TRPV5: variants seen among roughly 807,000 people sequenced by gnomAD.
The protein encoded by TRPV5 is transient receptor potential cation channel subfamily V member 5.
Under a neutral mutation model 74.1 loss-of-function variants are expected in TRPV5, and 66 were observed. The observed-to-expected ratio is 0.89, with a 90% CI of 0.73 to 1.09. The LOEUF (loss-of-function observed/expected upper bound fraction) is 1.09. TRPV5 is among the 50% of genes least tolerant of loss of function. The pLI is 0.00. For synonymous variants in TRPV5, 399 were observed against 360.7 expected, an observed-to-expected ratio of 1.11 and a Z score of -1.20; for missense variants, 936 against 930.4, an observed-to-expected ratio of 1.01 and a Z score of -0.08.
chr7:142,929,908 A>G (rs562370896), intron 3 of TRPV5, 150 bp downstream of exon 3: 3 of 1,270,196 alleles, frequency 2.4e-6, no homozygotes, highest in South Asian at 2.6e-5. Flanking sequence ...CAAGACCAGG[A>G]CCTTTGCATT....
rs1262596664 is a variant in TRPV5, at chr7:142,912,563, G to C, written c.1707C>G (p.Leu569=). 2 of 1,614,148 alleles carry C rather than the reference G, an allele frequency of 1.2e-6. No homozygotes were observed. The highest frequency in any genetic ancestry group is 1.7e-5 in the Admixed American group (1 of 60,032). The change falls in exon 13 of 15, where the codon CTC becomes CTG. Residue 569 remains leucine, a synonymous_variant. Transcript: ENST00000265310. ...TCATGGCGATGAACAAGTTGAGCAT[G>C]AGCAGTGTGGCAATGATGGTGAAGG... is the stretch of plus-strand genomic sequence containing the variant. The part of the protein sequence containing the change: ...NFAFTIIATL[L]MLNLFIAMMG...
At chr7:142,919,403 C>T (rs150073806) in intron 8 of TRPV5, among the ~76,000 whole-genome samples, 105 of 152,180 alleles carry the variant, frequency 6.9e-4, no homozygotes, top group Non-Finnish European at 1.1e-3. Context: ...GCCTAAGAGA[C>T]GCAGAAGGGT....
intron 8 of TRPV5, among the ~76,000 whole-genome samples, chr7:142,921,183 TG>T (rs1795880768): frequency 6.6e-6 from 1 of 152,226 alleles, no homozygotes; most frequent in Non-Finnish European, 1.5e-5. Flanking sequence ...TTTTAAAAGA[TG>T]GAAACACAGT....
intron 1 of TRPV5, among the ~76,000 whole-genome samples, chr7:142,932,120 C>T (rs1171492553): frequency 6.6e-6 from 1 of 152,156 alleles, no homozygotes. Context: ...CCCGTCTCAC[C>T]CAGGGAATCA....
rs781757721 is a variant in TRPV5 at position 142,908,631 on chromosome 7, G to A, written c.2073C>T (p.Thr691=). 2.7e-5 allele frequency: 43 copies of A among 1,614,138 alleles called. No individual in the cohort carries two copies. The South Asian group carries it at 2.7e-4, about 10-fold the overall frequency. The change falls in exon 15 of 15, where the codon ACC becomes ACT. Residue 691 remains threonine, a synonymous_variant. Transcript: ENST00000265310. ...CTCGGTGACTGCTGCTCTGGGACGC[G>A]GTCCGGGACAGGGAGGAAGTTGGAA... is the stretch of plus-strand genomic sequence containing the variant. ...LALPTSSLSR[T]ASQSSSHRGW...
In TRPV5 at chr7:142,908,186, T is replaced by C. The variant is rs1356007795; in HGVS notation, c.*328A>G. 6 of 369,376 alleles carry C rather than the reference T, an allele frequency of 1.6e-5. No individual in the cohort carries two copies. The highest frequency in any genetic ancestry group is 3.0e-5 in the Non-Finnish European group (6 of 203,220). The allele number at this position is 369,376 out of a possible 1,614,324, so 22.9% of individuals were successfully genotyped here. ...GAGCCAGAAAAGCCTCACAGCTTACTACTTTCTAGGGGCTGCGTGGGGCAG... is the reference window on the plus strand; with the variant it reads ...GAGCCAGAAAAGCCTCACAGCTTACCACTTTCTAGGGGCTGCGTGGGGCAG... On this transcript the variant is annotated 3_prime_UTR_variant, in exon 15 of 15. Coordinates refer to ENST00000265310, the MANE Select transcript of TRPV5 (RefSeq NM_019841.7).
Position 142,933,348 on chromosome 7 carries a change from T to C in TRPV5, c.112A>G (p.Met38Val), listed in dbSNP as rs1796128033. The part of the protein sequence containing the change: ...DWDQHLDKLH[M>V]LQQKRILESP... The stretch of plus-strand genomic sequence containing the variant: ...GAAGCCTACCTCTTCTGCTGCAGCA[T>C]ATGAAGCTTGTCCAGGTGCTGGTCC... The change falls in exon 1 of 15, where the codon ATG (methionine) becomes GTG (valine). Residue 38 changes from methionine (M) to valine (V), a missense_variant. Physicochemically the swap from Met to Val is conservative, Grantham distance 21 (BLOSUM62 1). Transcript: ENST00000265310. The C allele has an allele frequency of 6.2e-7, 1 of 1,613,774 alleles. No homozygotes were observed. Among genetic ancestry groups the C allele is most frequent in the South Asian group, 1.1e-5 (1 of 91,072 alleles).
Position 142,908,322 on chromosome 7 carries a change from A to T in TRPV5, c.*192T>A, listed in dbSNP as rs1203752183. Reference sequence around the variant, plus strand: ...CAAGAGCCCAGAAAATACGTGAGACAATCGATGACCATTGCCCATTGCCAG... The same window carrying T: ...CAAGAGCCCAGAAAATACGTGAGACTATCGATGACCATTGCCCATTGCCAG... On this transcript the variant is annotated 3_prime_UTR_variant, in exon 15 of 15. Transcript: ENST00000265310. 7.7e-6 allele frequency: 5 copies of T among 646,546 alleles called. No homozygotes were observed. The highest frequency in any genetic ancestry group is 1.3e-5 in the Non-Finnish European group (5 of 379,266). The allele number at this position is 646,546 out of a possible 1,614,324, so 40.1% of individuals were successfully genotyped here.
At chr7:142,928,355 A>G in intron 6 of TRPV5, 121 bp from the exon 7 acceptor site, 1 of 1,074,450 alleles carries the variant, frequency 9.3e-7, no homozygotes, top group Non-Finnish European at 1.4e-6. Context: ...GGAACCAGCA[A>G]ACCTCTGCAT....
chr7:142,915,376 T>C lies in TRPV5; in HGVS notation c.1217A>G (p.Asp406Gly). The C allele has an allele frequency of 6.2e-7, 1 of 1,607,176 alleles. No individual in the cohort carries two copies. Among genetic ancestry groups the C allele is most frequent in the Non-Finnish European group, 8.5e-7 (1 of 1,178,382 alleles). The change falls in exon 10 of 15, where the codon GAC (aspartate) becomes GGC (glycine). Residue 406 changes from aspartate (D) to glycine (G), a missense_variant. By Grantham distance (94) the Asp-to-Gly change is moderately conservative. Coordinates refer to ENST00000265310, the MANE Select transcript of TRPV5 (RefSeq NM_019841.7). ...AVIILLLEIPDIFRVGASRYF... is the reference protein window; with the variant it reads ...AVIILLLEIPGIFRVGASRYF... ...GCGAGAGGCACCAACCCTGAAGATG[T>C]CTGGAATCTGGGGAGAGGACGGCAA...
intron 7 of TRPV5, 77 bp from the exon 8 acceptor site, chr7:142,925,818 G>A: frequency 2.4e-6 from 3 of 1,271,786 alleles, no homozygotes; most frequent in Non-Finnish European, 3.4e-6. Context: ...GCCAGAAGAG[G>A]CAGGGCAGCA....
chr7:142,913,416 T>C (rs1795737340), intron 12 of TRPV5, among the ~76,000 whole-genome samples: 1 of 152,214 alleles, frequency 6.6e-6, no homozygotes, highest in Non-Finnish European at 1.5e-5. Context: ...GACAAAGCAT[T>C]GCCTCCTTAT....
In TRPV5 at chr7:142,914,575, A is replaced by C. The variant is rs956039257; in HGVS notation, c.1519+65T>G. 1.0e-5 allele frequency: 14 copies of C among 1,343,728 alleles called. No individual in the cohort carries two copies. The African/African-American group carries it at 1.4e-4, about 14-fold the overall frequency. 83.2% of individuals were successfully genotyped at this position (1,343,728 alleles called of 1,614,324 possible). On this transcript the variant is annotated intron_variant, in intron 12 of 14. Coordinates refer to ENST00000265310, the MANE Select transcript of TRPV5 (RefSeq NM_019841.7). Reference sequence around the variant, plus strand: ...AGTGCAAATGAGAACTGAGAGCAAGAATGAGAGTGAACTTTCTGGAGAACT... The same window carrying C: ...AGTGCAAATGAGAACTGAGAGCAAGCATGAGAGTGAACTTTCTGGAGAACT...
chr7:142,921,062 G>A (rs891833054), intron 8 of TRPV5, among the ~76,000 whole-genome samples: 1 of 152,304 alleles, frequency 6.6e-6, no homozygotes, highest in South Asian at 2.1e-4. Flanking sequence ...TATAGAGTTG[G>A]CAATCAGTTG....
At chr7:142,925,159 A>T in intron 8 of TRPV5, 1 of 449,826 alleles carries the variant, frequency 2.2e-6, no homozygotes, top group South Asian at 3.2e-5. Flanking sequence ...ACAAAAATGG[A>T]CTCAGAAATG....
chr7:142,915,385 T>C lies in TRPV5; in HGVS notation c.1210-2A>G. 1 of 1,607,700 alleles carries C rather than the reference T, an allele frequency of 6.2e-7. No homozygotes were observed. The highest frequency in any genetic ancestry group is 8.5e-7 in the Non-Finnish European group (1 of 1,178,414). On this transcript the variant is annotated splice_acceptor_variant, in intron 9 of 14. Coordinates refer to ENST00000265310, the MANE Select transcript of TRPV5 (RefSeq NM_019841.7). LOFTEE classifies it high-confidence loss of function. ...ACCAACCCTGAAGATGTCTGGAATC[T>C]GGGGAGAGGACGGCAAAGCAAAAAT...
At chr7:142,921,524 G>A (rs866915390) in intron 8 of TRPV5, among the ~76,000 whole-genome samples, 18 of 151,874 alleles carry the variant, frequency 1.2e-4, no homozygotes, top group South Asian at 2.1e-4. Flanking sequence ...CTCGTGATCC[G>A]CCGCCTCAGC....
Position 142,933,401 on chromosome 7 carries a change from G to C in TRPV5, c.59C>G (p.Pro20Arg). The C allele has an allele frequency of 6.2e-7, 1 of 1,614,104 alleles. No individual in the cohort carries two copies. Among genetic ancestry groups the C allele is most frequent in the Non-Finnish European group, 8.5e-7 (1 of 1,180,024 alleles). ...GPGSQLQKLL[P>R]SFLVREQDWD... ...GTCTTGTTCTCTGACCAGAAAGGAG[G>C]GCAGAAGTTTCTGGAGTTGGCTCCC... Residue 20 changes from proline to arginine, a missense_variant, in exon 1 of 15, where the codon CCC (proline) becomes CGC (arginine). Physicochemically the swap from Pro to Arg is moderately radical, Grantham distance 103. Transcript: ENST00000265310.
At chr7:142,917,145 C>T (rs1586218208) in intron 8 of TRPV5, among the ~76,000 whole-genome samples, 1 of 150,068 alleles carries the variant, frequency 6.7e-6, no homozygotes, top group East Asian at 2.0e-4. Flanking sequence ...TCTTTGAATT[C>T]CTTCTCTTCT....
Sources: gnomAD v4.1 joint callset for allele counts (sites outside exome capture counted in the v4.1 genomes callset) on GRCh38, gnomAD v4.1.1 for gene constraint, MANE v1.5 for transcripts, NCBI Gene and HGNC (gene_info 2026-07-23, HGNC 2026-07-21) for gene names.